RALYL: variants seen among roughly 807,000 people sequenced by gnomAD.
RALYL encodes RALY RNA binding protein like.
Under a neutral mutation model 35.1 loss-of-function variants are expected in RALYL, and 29 were observed. The ratio of observed to expected loss-of-function variants is 0.83; its 90% CI spans 0.61 to 1.13. RALYL has a LOEUF of 1.13. Among genes scored for constraint, RALYL ranks in the 50% most tolerant of loss-of-function variants. The pLI is 0.00. For synonymous variants in RALYL, 120 were observed against 127.6 expected (o/e 0.94, Z 0.40); for missense variants, 359 against 360.4 (o/e 1.00, Z 0.03).
chr8:84,910,371 T>C (rs1395897041), intron 8 of RALYL, among the ~76,000 whole-genome samples: 1 of 152,136 alleles, frequency 6.6e-6, no homozygotes, highest in African/African-American at 2.4e-5. Context: ...TCTTGGGCTA[T>C]AAGATGTTAA....
intron 1 of RALYL, among the ~76,000 whole-genome samples, chr8:84,248,483 ATT>A (rs1249161864): frequency 6.6e-6 from 1 of 152,112 alleles, no homozygotes; most frequent in African/African-American, 2.4e-5. Flanking sequence ...TTGTTCTAAT[ATT>A]GTTTCCACAA....
chr8:84,423,372 C>A (rs1417056024), intron 1 of RALYL, among the ~76,000 whole-genome samples: 6 of 149,416 alleles, frequency 4.0e-5, no homozygotes, highest in African/African-American at 1.5e-4. Context: ...GGATTGCAAC[C>A]CCTGCCTTTT....
chr8:84,322,888 G>A lies in RALYL; in HGVS notation c.-24+138464G>A, dbSNP rs148353666. Among the ~76,000 whole-genome samples, 165 of 152,080 alleles carry A rather than the reference G, an allele frequency of 1.1e-3. 2 individuals are homozygous for A. In the East Asian group the frequency reaches 0.02, roughly 18 times the overall value. Reference sequence around the variant, plus strand: ...AGGATACTTTCATCAAATATCCCACGTTGATCACTTCATATTATTTAAAAT... The same window carrying A: ...AGGATACTTTCATCAAATATCCCACATTGATCACTTCATATTATTTAAAAT... On this transcript the variant is annotated intron_variant, in intron 1 of 8. Transcript: ENST00000521268.
chr8:84,540,267 C>T (rs531694221), intron 2 of RALYL, among the ~76,000 whole-genome samples: 11 of 150,680 alleles, frequency 7.3e-5, no homozygotes, highest in South Asian at 6.3e-4. Context: ...TGTCTCATTA[C>T]GTGAGAAACC....
chr8:84,337,595 T>C (rs1208048502), intron 1 of RALYL, among the ~76,000 whole-genome samples: 1 of 152,114 alleles, frequency 6.6e-6, no homozygotes, highest in African/African-American at 2.4e-5. Flanking sequence ...GCAGAAAACA[T>C]CTGATAAATT....
chr8:84,737,095 T>A (rs1847455185), intron 2 of RALYL, among the ~76,000 whole-genome samples: 1 of 152,064 alleles, frequency 6.6e-6, no homozygotes, highest in Admixed American at 6.6e-5. Context: ...CTCTATCTAT[T>A]AAGAGCTCAA....
intron 2 of RALYL, among the ~76,000 whole-genome samples, chr8:84,568,895 G>T (rs1164933682): frequency 6.6e-6 from 1 of 151,462 alleles, no homozygotes; most frequent in East Asian, 1.9e-4. Flanking sequence ...TGTTGATGGG[G>T]TTGTTTTTTT....
intron 1 of RALYL, among the ~76,000 whole-genome samples, chr8:84,234,390 A>G (rs985291443): frequency 1.3e-5 from 2 of 152,198 alleles, no homozygotes; most frequent in Non-Finnish European, 2.9e-5. Context: ...CACATCTTCA[A>G]CAGAAATAAC....
At chr8:84,648,989 C>T (rs1395690888) in intron 2 of RALYL, among the ~76,000 whole-genome samples, 1 of 151,848 alleles carries the variant, frequency 6.6e-6, no homozygotes, top group Admixed American at 6.6e-5. Context: ...CCACATGGTG[C>T]TCATTCATAG....
chr8:84,650,751 T>C (rs1483312162), intron 2 of RALYL, among the ~76,000 whole-genome samples: 1 of 151,682 alleles, frequency 6.6e-6, no homozygotes, highest in African/African-American at 2.4e-5. Context: ...TAAATCATGC[T>C]GCTATAAAGA....
intron 1 of RALYL, among the ~76,000 whole-genome samples, chr8:84,377,791 C>T (rs1586713617): frequency 1.3e-5 from 2 of 151,898 alleles, no homozygotes; most frequent in Admixed American, 1.3e-4. Context: ...GTCAGAATTA[C>T]ACATCCATAA....
At chr8:84,343,135 T>A (rs1159062473) in intron 1 of RALYL, among the ~76,000 whole-genome samples, 1 of 152,090 alleles carries the variant, frequency 6.6e-6, no homozygotes, top group Non-Finnish European at 1.5e-5. Context: ...TATAGGTTAC[T>A]TCTCTATGAA....
intron 1 of RALYL, among the ~76,000 whole-genome samples, chr8:84,280,002 T>A (rs2132066065): frequency 6.6e-6 from 1 of 152,330 alleles, no homozygotes; most frequent in Non-Finnish European, 1.5e-5. Context: ...GATAACAGAA[T>A]AATCTTGAGT....
intron 1 of RALYL, among the ~76,000 whole-genome samples, chr8:84,262,574 T>A (rs1478470561): frequency 6.6e-6 from 1 of 152,172 alleles, no homozygotes; most frequent in Admixed American, 6.5e-5. Flanking sequence ...TAACAAATTG[T>A]CCTATCCTGT....
intron 2 of RALYL, among the ~76,000 whole-genome samples, chr8:84,553,926 G>T (rs1385802991): frequency 6.6e-6 from 1 of 152,136 alleles, no homozygotes; most frequent in Non-Finnish European, 1.5e-5. Flanking sequence ...CTGTTAAGAT[G>T]AATCATCTTT....
chr8:84,845,395 G>A (rs927835921), intron 4 of RALYL, among the ~76,000 whole-genome samples: 3 of 152,126 alleles, frequency 2.0e-5, no homozygotes, highest in East Asian at 3.8e-4. Flanking sequence ...GTGTGAGATT[G>A]TGGTTTTGAT....
At chr8:84,309,013 A>C (rs930409285) in intron 1 of RALYL, among the ~76,000 whole-genome samples, 1 of 151,740 alleles carries the variant, frequency 6.6e-6, no homozygotes, top group African/African-American at 2.4e-5. Context: ...ATAGTGCTAA[A>C]GTATATACTA....
chr8:84,837,477 A>G (rs1258423502), intron 4 of RALYL, among the ~76,000 whole-genome samples: 1 of 152,152 alleles, frequency 6.6e-6, no homozygotes, highest in Non-Finnish European at 1.5e-5. Context: ...GGTGAGGGAA[A>G]ATAAGAAGAA....
chr8:84,536,674 C>T (rs2059631446), intron 2 of RALYL, among the ~76,000 whole-genome samples: 1 of 152,288 alleles, frequency 6.6e-6, no homozygotes, highest in East Asian at 1.9e-4. Context: ...ATAAATAGCA[C>T]TTTCAGCAAT....
Sources: allele counts gnomAD v4.1 joint callset (sites outside exome capture counted in the v4.1 genomes callset), GRCh38; gene constraint gnomAD v4.1.1; transcripts MANE v1.5; gene names NCBI Gene and HGNC (gene_info 2026-07-23, HGNC 2026-07-21).